Variants in CEP152 observed in about 807,000 individuals in gnomAD.
The protein encoded by CEP152 is centrosomal protein 152.
CEP152 carries 132 observed loss-of-function variants against 188.9 expected under a neutral mutation model. The ratio of observed to expected loss-of-function variants is 0.70; its 90% CI spans 0.61 to 0.81. The LOEUF (loss-of-function observed/expected upper bound fraction) is 0.81. Ranked by LOEUF, CEP152 falls within the 30% of genes least tolerant of loss-of-function variation. The pLI is 0.00. For synonymous variants in CEP152, 649 were observed against 666.6 expected (o/e 0.97, Z 0.41); for missense variants, 1,914 against 1,969.8 (o/e 0.97, Z 0.54).
chr15:48,782,249 T>A lies in CEP152; in HGVS notation c.1322-19A>T. 1 of 1,608,596 alleles carries A rather than the reference T, an allele frequency of 6.2e-7. No homozygotes were observed. The highest frequency in any genetic ancestry group is 8.5e-7 in the Non-Finnish European group (1 of 1,175,314). ...ACTGACCCTGCAGAGGAAAGAACCA[T>A]AGGATATACTGAAAAAATTAAGGGG... On this transcript the variant is annotated intron_variant, in intron 10 of 26. Transcript: ENST00000380950.
At chr15:48,783,092 G>C (rs1025069895) in intron 10 of CEP152, 8 of 152,162 alleles carry the variant, frequency 5.3e-5, no homozygotes, top group African/African-American at 1.9e-4. Flanking sequence ...GCCAAAGTGT[G>C]ACTTTCATAT....
intron 14 of CEP152, 86 bp from the exon 15 acceptor site, chr15:48,768,414 T>G: frequency 1.3e-6 from 1 of 767,732 alleles, no homozygotes; most frequent in Non-Finnish European, 2.2e-6. Flanking sequence ...TAATATTTTC[T>G]ATGCTTTCTC....
chr15:48,752,943 A>G (rs1343781213), intron 20 of CEP152, among the ~76,000 whole-genome samples: 1 of 152,214 alleles, frequency 6.6e-6, no homozygotes, highest in African/African-American at 2.4e-5. Context: ...ATAGTACTTC[A>G]TATGCTTCTA....
At chr15:48,802,351 G>A (rs568751638) in intron 2 of CEP152, among the ~76,000 whole-genome samples, 6 of 152,118 alleles carry the variant, frequency 3.9e-5, no homozygotes, top group Non-Finnish European at 2.9e-5. Context: ...AGTTAGTTAG[G>A]AGAAACATAA....
At chr15:48,730,269 C>A (rs1174820230) in intron 2 of CEP152, among the ~76,000 whole-genome samples, 2 of 152,150 alleles carry the variant, frequency 1.3e-5, no homozygotes, top group African/African-American at 2.4e-5. Flanking sequence ...AGGAAAGGAG[C>A]CCATGCCCAG....
At position 48,737,984 on chromosome 15, in the gene CEP152, G is replaced by A. The variant is rs957067822; in HGVS notation, c.*265C>T. The A allele has an allele frequency of 2.6e-5, 10 of 380,024 alleles. 1 individual carries two copies. The Admixed American group carries it at 3.9e-4, about 15-fold the overall frequency. 23.5% of individuals were successfully genotyped at this position (380,024 alleles called of 1,614,324 possible). A position where few individuals can be genotyped will look rare whatever the true frequency, so the allele number is the denominator to read the frequency against. ...TTTAAATAAGTTAACACTGCAGAGT[G>A]AGTCAATTTATAAGTATAAAAATAG... is the stretch of plus-strand genomic sequence containing the variant. On this transcript the variant is annotated 3_prime_UTR_variant, in exon 27 of 27. Coordinates refer to ENST00000380950, the MANE Select transcript of CEP152 (RefSeq NM_001194998.2).
intron 9 of CEP152, among the ~76,000 whole-genome samples, chr15:48,784,921 T>G (rs1896524500): frequency 1.3e-5 from 2 of 152,112 alleles, no homozygotes; most frequent in African/African-American, 4.8e-5. Flanking sequence ...TGAGTCCAGG[T>G]AGAACAAACA....
chr15:48,738,647 C>T lies in CEP152; in HGVS notation c.4735G>A (p.Ala1579Thr). Residue 1579 changes from alanine (A) to threonine (T), a missense_variant, in exon 27 of 27, where the codon GCA becomes ACA. Physicochemically the swap from Ala to Thr is moderately conservative, Grantham distance 58 (BLOSUM62 0). Coordinates refer to ENST00000380950, the MANE Select transcript of CEP152 (RefSeq NM_001194998.2). Reference sequence around the variant, plus strand: ...TCACGACTGTCAAAGGATAAGGTTGCACTGCTGGAAGGCCAGCCCAAGCAG... The same window carrying T: ...TCACGACTGTCAAAGGATAAGGTTGTACTGCTGGAAGGCCAGCCCAAGCAG... ...SDCLGWPSSS[A>T]TLSFDSREAS... 3 of 1,614,192 alleles carry T rather than the reference C, an allele frequency of 1.9e-6. No homozygotes were observed. The highest frequency in any genetic ancestry group is 2.5e-6 in the Non-Finnish European group (3 of 1,180,028).
chr15:48,772,764 G>A (rs767416965), intron 12 of CEP152, 73 bp from the exon 13 acceptor site: 11 of 1,275,592 alleles, frequency 8.6e-6, no homozygotes, highest in Non-Finnish European at 1.1e-5. Context: ...TAAAAGCACT[G>A]ACCACAGTGG....
At chr15:48,745,683 G>A (rs2140593613) in intron 22 of CEP152, among the ~76,000 whole-genome samples, 1 of 152,176 alleles carries the variant, frequency 6.6e-6, no homozygotes, top group Non-Finnish European at 1.5e-5. Flanking sequence ...AGGGTGGGGA[G>A]ATTACAATTC....
chr15:48,762,337 T>C (rs1236609973), intron 18 of CEP152, 54 bp downstream of exon 18: 1 of 1,501,044 alleles, frequency 6.7e-7, no homozygotes, highest in Non-Finnish European at 9.3e-7. Flanking sequence ...GTATGGGTTT[T>C]CATTAAGAGA....
intron 2 of CEP152, among the ~76,000 whole-genome samples, chr15:48,801,726 A>T (rs1015088641): frequency 4.6e-5 from 7 of 152,168 alleles, no homozygotes; most frequent in Non-Finnish European, 1.0e-4. Flanking sequence ...GAGAGTCCAA[A>T]ATGGCAATCT....
chr15:48,773,957 G>A (rs997825759), intron 12 of CEP152, among the ~76,000 whole-genome samples: 1 of 152,046 alleles, frequency 6.6e-6, no homozygotes, highest in African/African-American at 2.4e-5. Context: ...CCAATCAATA[G>A]AAACTAACCC....
chr15:48,744,774 G>T, intron 23 of CEP152, 122 bp downstream of exon 23: 1 of 919,878 alleles, frequency 1.1e-6, no homozygotes, highest in Non-Finnish European at 1.6e-6. Flanking sequence ...TAAGGTTTTG[G>T]GGGATTTTCT....
At chr15:48,780,445 A>G (rs1896171738) in intron 12 of CEP152, among the ~76,000 whole-genome samples, 2 of 152,328 alleles carry the variant, frequency 1.3e-5, no homozygotes, top group Admixed American at 6.5e-5. Flanking sequence ...ACATTTATAT[A>G]TTTGTATTTA....
chr15:48,753,199 C>T (rs996065327), intron 20 of CEP152, among the ~76,000 whole-genome samples: 2 of 152,150 alleles, frequency 1.3e-5, no homozygotes, highest in African/African-American at 2.4e-5. Context: ...AGGGCATTGG[C>T]GCGATCTCAG....
In CEP152 at chr15:48,738,660, C is replaced by A; in HGVS notation, c.4722G>T (p.Trp1574Cys). 1.9e-6 allele frequency: 3 copies of A among 1,614,168 alleles called. No homozygotes were observed. The highest frequency in any genetic ancestry group is 2.5e-6 in the Non-Finnish European group (3 of 1,180,026). ...AGGATAAGGTTGCACTGCTGGAAGG[C>A]CAGCCCAAGCAGTCACTAAGGTCCC... Reference protein sequence around the residue: ...DGGDLSDCLGWPSSSATLSFD... With the variant: ...DGGDLSDCLGCPSSSATLSFD... The change falls in exon 27 of 27, where the codon TGG (tryptophan) becomes TGT (cysteine). Residue 1574 changes from tryptophan (W) to cysteine (C), a missense_variant. Physicochemically the swap from Trp to Cys is radical, Grantham distance 215. Coordinates refer to ENST00000380950, the MANE Select transcript of CEP152 (RefSeq NM_001194998.2).
chr15:48,741,805 G>T, intron 25 of CEP152, 101 bp from the exon 26 acceptor site: 1 of 1,608,878 alleles, frequency 6.2e-7, no homozygotes, highest in Non-Finnish European at 8.5e-7. Flanking sequence ...CCAACATTTA[G>T]GGTAGCACAG....
rs587783416 is a variant in CEP152, at chr15:48,781,257, T to C, written c.1516A>G (p.Thr506Ala). Residue 506 changes from threonine (T) to alanine (A), a missense_variant, in exon 12 of 27, where the codon ACT (threonine) becomes GCT (alanine). Thr to Ala is a moderately conservative substitution (Grantham distance 58). Coordinates refer to ENST00000380950, the MANE Select transcript of CEP152 (RefSeq NM_001194998.2). Reference sequence around the variant, plus strand: ...ATACCCAAATCCACATACGATTCAGTGAGTTCTATATTTAATTCTCCTTCT... The same window carrying C: ...ATACCCAAATCCACATACGATTCAGCGAGTTCTATATTTAATTCTCCTTCT... The part of the protein sequence containing the change: ...DSEGELNIEL[T>A]ESYVDLGIKK... The C allele has an allele frequency of 1.2e-6, 2 of 1,613,522 alleles. No individual in the cohort carries two copies. The highest frequency in any genetic ancestry group is 4.5e-5 in the East Asian group (2 of 44,750).
Sources: allele counts gnomAD v4.1 joint callset (sites outside exome capture counted in the v4.1 genomes callset), GRCh38; gene constraint gnomAD v4.1.1; transcripts MANE v1.5; gene names NCBI Gene and HGNC (gene_info 2026-07-23, HGNC 2026-07-21).